GNAI3: variants seen among roughly 807,000 people sequenced by gnomAD.
GNAI3 encodes the protein guanine nucleotide-binding protein G(i) subunit alpha-3.
A neutral mutation model predicts 41.8 loss-of-function variants in GNAI3; 12 were observed. The observed-to-expected ratio is 0.29, with a 90% CI of 0.18 to 0.47. The LOEUF (loss-of-function observed/expected upper bound fraction) is 0.47. GNAI3 is among the 20% of genes least tolerant of loss of function. GNAI3 has a pLI of 1.00. For missense variants in GNAI3, 360 were observed against 429.6 expected, an observed-to-expected ratio of 0.84 and a Z score of 1.43; for synonymous variants, 132 against 146.5, an observed-to-expected ratio of 0.90 and a Z score of 0.71.
chr1:109,575,366 G>A (rs1648708707), intron 3 of GNAI3, among the ~76,000 whole-genome samples: 1 of 150,806 alleles, frequency 6.6e-6, no homozygotes. Context: ...TGTATTTGTT[G>A]TATCTGGTAA....
intron 1 of GNAI3, among the ~76,000 whole-genome samples, chr1:109,561,177 T>G (rs1648299366): frequency 6.6e-6 from 1 of 152,166 alleles, no homozygotes; most frequent in Non-Finnish European, 1.5e-5. Flanking sequence ...CTTACTCTAT[T>G]TTTGTTATTA....
At position 109,592,926 on chromosome 1, in the gene GNAI3, T is replaced by C. The variant is rs1649206266; in HGVS notation, c.*604T>C. The C allele has an allele frequency of 6.6e-6, 1 of 152,622 alleles. No homozygotes were observed. Among genetic ancestry groups the C allele is most frequent in the East Asian group, 1.9e-4 (1 of 5,200 alleles). 9.5% of individuals were successfully genotyped at this position (152,622 alleles called of 1,614,324 possible). A position where few individuals can be genotyped will look rare whatever the true frequency, so the allele number is the denominator to read the frequency against. On this transcript the variant is annotated 3_prime_UTR_variant, in exon 9 of 9. Coordinates refer to ENST00000369851, the MANE Select transcript of GNAI3 (RefSeq NM_006496.4). ...TATAAATACAACTTTTTAAATGAAA[T>C]TTATGTTATTATCCTGCTCAAAGTA...
At chr1:109,553,310 T>C (rs528411347) in intron 1 of GNAI3, among the ~76,000 whole-genome samples, 158 of 151,970 alleles carry the variant, frequency 1.0e-3, no homozygotes, top group Non-Finnish European at 2.0e-3. Flanking sequence ...TTTCTGTTTC[T>C]TGATAGTTTC....
chr1:109,549,011 G>C, intron 1 of GNAI3, among the ~76,000 whole-genome samples, 173 bp downstream of exon 1: 1 of 152,134 alleles, frequency 6.6e-6, no homozygotes, highest in East Asian at 1.9e-4. Flanking sequence ...GGCGTGATGA[G>C]GGGGGTGGGG....
intron 3 of GNAI3, among the ~76,000 whole-genome samples, chr1:109,577,477 A>T (rs868162591): frequency 6.6e-6 from 1 of 151,960 alleles, no homozygotes; most frequent in Admixed American, 6.6e-5. Flanking sequence ...GGGTTTCACC[A>T]TGTTGGCCAG....
chr1:109,591,334 C>T (rs1422902739), intron 7 of GNAI3, among the ~76,000 whole-genome samples: 1 of 151,980 alleles, frequency 6.6e-6, no homozygotes, highest in African/African-American at 2.4e-5. Flanking sequence ...CAAACAATCC[C>T]ATAGCGTTTA....
At chr1:109,557,268 T>C (rs1648180247) in intron 1 of GNAI3, among the ~76,000 whole-genome samples, 1 of 152,118 alleles carries the variant, frequency 6.6e-6, no homozygotes, top group Non-Finnish European at 1.5e-5. Context: ...CTGAATTGGA[T>C]ATGATATGAT....
rs1649306187 is a variant in GNAI3 at position 109,596,124 on chromosome 1, C to G, written c.*3802C>G. 6.6e-6 allele frequency: 1 copy of G among 152,134 alleles called. No homozygotes were observed. Among genetic ancestry groups the G allele is most frequent in the South Asian group, 2.1e-4 (1 of 4,822 alleles). The allele number at this position is 152,134 out of a possible 1,614,324, so 9.4% of individuals were successfully genotyped here. ...GAGAAAAAGGCAGGCTTCCTAGAGA[C>G]CTCAAGTTGAAAGTTGATTTTGCTG... On this transcript the variant is annotated 3_prime_UTR_variant, in exon 9 of 9. Transcript: ENST00000369851.
Position 109,599,905 on chromosome 1 carries a change from C to T in GNAI3, c.*7583C>T, listed in dbSNP as rs953922075. 2 of 152,128 alleles carry T rather than the reference C, an allele frequency of 1.3e-5. No individual in the cohort carries two copies. The highest frequency in any genetic ancestry group is 2.9e-5 in the Non-Finnish European group (2 of 68,018). The allele number at this position is 152,128 out of a possible 1,614,324, so 9.4% of individuals were successfully genotyped here. A position where few individuals can be genotyped will look rare whatever the true frequency, so the allele number is the denominator to read the frequency against. On this transcript the variant is annotated 3_prime_UTR_variant, in exon 9 of 9. Coordinates refer to ENST00000369851, the MANE Select transcript of GNAI3 (RefSeq NM_006496.4). ...TGCTCTGTTGGTAGCTGGACATCAT[C>T]ACAGGCTTTGGATTGAGAAGACCTG...
chr1:109,581,891 A>AAAAACAAAACAAAAC (rs71069694), intron 4 of GNAI3, among the ~76,000 whole-genome samples: 7 of 150,678 alleles, frequency 4.6e-5, no homozygotes, highest in Non-Finnish European at 7.4e-5. Context: ...TCTGTCTCAA[A>AAAAACAAAACAAAAC]AAAACAAAAC....
In GNAI3 at chr1:109,586,714, T is replaced by C. The variant is rs923634164; in HGVS notation, c.721-15T>C. 6 of 1,576,812 alleles carry C rather than the reference T, an allele frequency of 3.8e-6. No homozygotes were observed. The highest frequency in any genetic ancestry group is 5.2e-6 in the Non-Finnish European group (6 of 1,157,584). ...CTATTTGCTACTGACCTATCATCCT[T>C]TATTTCTTTTTCAGAACCGAATGCA... On this transcript the variant is annotated splice_polypyrimidine_tract_variant and intron_variant, in intron 6 of 8. Transcript: ENST00000369851.
rs1649304295 is a variant in GNAI3 at position 109,596,047 on chromosome 1, T to C, written c.*3725T>C. ...CTGACCTGGATCAGCCTCAGCTCTT[T>C]ACATAGCTTTATGATCATCATATTT... is the stretch of plus-strand genomic sequence containing the variant. On this transcript the variant is annotated 3_prime_UTR_variant, in exon 9 of 9. Coordinates refer to ENST00000369851, the MANE Select transcript of GNAI3 (RefSeq NM_006496.4). The C allele has an allele frequency of 2.6e-5, 4 of 152,194 alleles. No individual in the cohort carries two copies. The highest frequency in any genetic ancestry group is 4.8e-5 in the African/African-American group (2 of 41,438). The allele number at this position is 152,194 out of a possible 1,614,324, so 9.4% of individuals were successfully genotyped here. A position where few individuals can be genotyped will look rare whatever the true frequency, so the allele number is the denominator to read the frequency against.
chr1:109,568,097 A>G (rs1235752120), intron 1 of GNAI3, among the ~76,000 whole-genome samples: 1 of 152,136 alleles, frequency 6.6e-6, no homozygotes, highest in Non-Finnish European at 1.5e-5. Flanking sequence ...CCAAATTCCA[A>G]TCACTTGGGG....
At position 109,596,969 on chromosome 1, in the gene GNAI3, TGA is replaced by T. The variant is rs1395780338; in HGVS notation, c.*4651_*4652del. 6.6e-6 allele frequency: 1 copy of T among 152,200 alleles called. No individual in the cohort carries two copies. Among genetic ancestry groups the T allele is most frequent in the African/African-American group, 2.4e-5 (1 of 41,456 alleles). 9.4% of individuals were successfully genotyped at this position (152,200 alleles called of 1,614,324 possible). A position where few individuals can be genotyped will look rare whatever the true frequency, so the allele number is the denominator to read the frequency against. On this transcript the variant is annotated 3_prime_UTR_variant, in exon 9 of 9. Transcript: ENST00000369851. ...CAAATCTCTTGGGACCAGAAGTGTT[TGA>T]GAGTTCAGATTTTTGTGAGGTTTTG...
At position 109,573,912 on chromosome 1, in the gene GNAI3, G is replaced by A. The variant is rs377596642; in HGVS notation, c.178G>A (p.Gly60Ser). 31 of 1,610,308 alleles carry A rather than the reference G, an allele frequency of 1.9e-5. No homozygotes were observed. Among genetic ancestry groups the A allele is most frequent in the Non-Finnish European group, 2.6e-5 (31 of 1,177,112 alleles). The change falls in exon 3 of 9, where the codon GGC becomes AGC. Residue 60 changes from glycine (G) to serine (S), a missense_variant. Gly to Ser is a moderately conservative substitution (Grantham distance 56). Transcript: ENST00000369851. ...GTTTTAAAGAATCATTCATGAGGATGGCTATTCAGAGGATGAATGTAAACA... is the reference window on the plus strand; with the variant it reads ...GTTTTAAAGAATCATTCATGAGGATAGCTATTCAGAGGATGAATGTAAACA... ...VKQMKIIHED[G>S]YSEDECKQYK... is the part of the protein sequence containing the mutation.
chr1:109,553,252 A>T (rs1334427111), intron 1 of GNAI3, among the ~76,000 whole-genome samples: 3 of 152,084 alleles, frequency 2.0e-5, no homozygotes, highest in Admixed American at 1.3e-4. Context: ...TCACTGTACT[A>T]ATGAAGATAC....
chr1:109,561,697 C>T (rs1050012580), intron 1 of GNAI3, among the ~76,000 whole-genome samples: 7 of 152,046 alleles, frequency 4.6e-5, no homozygotes, highest in African/African-American at 1.4e-4. Flanking sequence ...AATGTGATTA[C>T]AGAAGGAATA....
chr1:109,579,967 T>G (rs1341137654), intron 4 of GNAI3, among the ~76,000 whole-genome samples: 1 of 152,228 alleles, frequency 6.6e-6, no homozygotes, highest in Non-Finnish European at 1.5e-5. Context: ...TTTTACCTCT[T>G]TTACATATAC....
chr1:109,560,909 A>G (rs570782732), intron 1 of GNAI3, among the ~76,000 whole-genome samples: 5 of 152,168 alleles, frequency 3.3e-5, no homozygotes, highest in Non-Finnish European at 5.9e-5. Flanking sequence ...CTTGTAAGTT[A>G]TTGAAGGGTT....
Sources: allele counts gnomAD v4.1 joint callset (sites outside exome capture counted in the v4.1 genomes callset), GRCh38; gene constraint gnomAD v4.1.1; transcripts MANE v1.5; gene names NCBI Gene and HGNC (gene_info 2026-07-23, HGNC 2026-07-21).